The following FRAS1 variants were observed in gnomAD, a reference collection of about 807,000 sequenced individuals.
FRAS1 encodes the protein Fraser extracellular matrix complex subunit 1.
Under a neutral mutation model 435.2 loss-of-function variants are expected in FRAS1, and 290 were observed. The observed-to-expected ratio is 0.67, with a 90% CI of 0.61 to 0.73. The LOEUF is 0.73. Among genes scored for constraint, FRAS1 ranks in the 30% least tolerant of loss-of-function variants. The pLI, the probability that FRAS1 is intolerant of heterozygous loss-of-function variation, is 0.00. For missense variants in FRAS1, 4,860 were observed against 5,001.5 expected, an observed-to-expected ratio of 0.97 and a Z score of 0.85; for synonymous variants, 1,800 against 1,851.0, an observed-to-expected ratio of 0.97 and a Z score of 0.71.
chr4:78,235,479 A>G (rs1010908067), intron 2 of FRAS1, among the ~76,000 whole-genome samples: 1 of 152,194 alleles, frequency 6.6e-6, no homozygotes, highest in Non-Finnish European at 1.5e-5. Flanking sequence ...CTTGTTGACT[A>G]AGGAAAACAG....
intron 14 of FRAS1, among the ~76,000 whole-genome samples, chr4:78,287,783 C>G (rs1230285391): frequency 2.0e-5 from 3 of 152,248 alleles, no homozygotes; most frequent in Middle Eastern, 6.8e-3. Context: ...AGGTAATGGT[C>G]AGAAGCGGAG....
rs555115806 is a variant in FRAS1, at chr4:78,276,230, AG to A, written c.982-2423del. Among the ~76,000 whole-genome samples, 98 of 152,186 alleles carry A rather than the reference AG, an allele frequency of 6.4e-4. 1 individual carries two copies. The highest frequency in any genetic ancestry group is 2.2e-3 in the African/African-American group (90 of 41,524). ...TAGCCATTTGTCTAATCTTTTTTCA[AG>A]GTTTTTATCTTCTTTGCCATGGATT... On this transcript the variant is annotated intron_variant, in intron 9 of 73. Transcript: ENST00000512123.
At chr4:78,222,085 C>A (rs1191422752) in intron 2 of FRAS1, among the ~76,000 whole-genome samples, 2 of 152,120 alleles carry the variant, frequency 1.3e-5, no homozygotes, top group Non-Finnish European at 2.9e-5. Context: ...CCCCCTGGAG[C>A]TCTGCCCTGG....
In FRAS1 at chr4:78,441,324, G is replaced by A. The variant is rs777426071; in HGVS notation, c.5665+27G>A. On this transcript the variant is annotated intron_variant, in intron 41 of 73. Transcript: ENST00000512123. Reference sequence around the variant, plus strand: ...TACTACTTCCTGTAAAACTGTTAAGGACCTTGAGAGAAGGGAGGGGAGAGG... The same window carrying A: ...TACTACTTCCTGTAAAACTGTTAAGAACCTTGAGAGAAGGGAGGGGAGAGG... The A allele has an allele frequency of 1.9e-6, 3 of 1,597,328 alleles. No homozygotes were observed. In the Admixed American group the frequency reaches 5.2e-5, roughly 28 times the overall value.
chr4:78,472,184 C>T lies in FRAS1; in HGVS notation c.7376C>T (p.Thr2459Ile), dbSNP rs748736720. The T allele has an allele frequency of 1.2e-6, 2 of 1,613,766 alleles. No individual in the cohort carries two copies. Among genetic ancestry groups the T allele is most frequent in the Non-Finnish European group, 1.7e-6 (2 of 1,179,808 alleles). ...TTAAATGGGTTTCTATTCTAGGCAA[C>T]CAACCTGATCACCAAGAAGGAACTG... is the stretch of plus-strand genomic sequence containing the variant. Reference protein sequence around the residue: ...QWLEYMDGKATNLITKKELLT... With the variant: ...QWLEYMDGKAINLITKKELLT... Residue 2459 changes from threonine (T) to isoleucine (I), a missense_variant, in exon 52 of 74, where the codon ACC (threonine) becomes ATC (isoleucine). Coordinates refer to ENST00000512123, the MANE Select transcript of FRAS1 (RefSeq NM_025074.7).
chr4:78,483,731 G>GT (rs1054383136), intron 58 of FRAS1, among the ~76,000 whole-genome samples: 8 of 136,960 alleles, frequency 5.8e-5, no homozygotes, highest in South Asian at 2.3e-4. Context: ...ATTTTAACCA[G>GT]TTTTTTGTGT....
intron 29 of FRAS1, 95 bp downstream of exon 29, chr4:78,387,796 G>A: frequency 2.4e-6 from 2 of 827,320 alleles, no homozygotes; most frequent in African/African-American, 1.7e-5. Context: ...TTAAGATATG[G>A]GTAGTCATTC....
chr4:78,460,673 A>G (rs1719343846), intron 47 of FRAS1, among the ~76,000 whole-genome samples: 1 of 152,220 alleles, frequency 6.6e-6, no homozygotes, highest in Admixed American at 6.5e-5. Flanking sequence ...CCTGGGCTAT[A>G]TGCATATAGC....
At position 78,497,530 on chromosome 4, in the gene FRAS1, G is replaced by A. The variant is rs116057768; in HGVS notation, c.9115+569G>A. Among the ~76,000 whole-genome samples, 604 of 152,248 alleles carry A rather than the reference G, an allele frequency of 4.0e-3. 6 individuals are homozygous for A. The highest frequency in any genetic ancestry group is 0.014 in the African/African-American group (569 of 41,544). On this transcript the variant is annotated intron_variant, in intron 60 of 73. Transcript: ENST00000512123. ...TTTTAATGAGTGAATAGATAATAAT[G>A]TTACAAATAGTGATAGCTCTTTTTA...
intron 32 of FRAS1, among the ~76,000 whole-genome samples, chr4:78,416,473 G>A (rs1051629043): frequency 4.6e-5 from 7 of 151,834 alleles, no homozygotes; most frequent in Non-Finnish European, 8.8e-5. Context: ...CATTAAGAGA[G>A]ACTTAGAGAC....
At chr4:78,457,639 A>T (rs1156944416) in intron 47 of FRAS1, among the ~76,000 whole-genome samples, 1 of 152,230 alleles carries the variant, frequency 6.6e-6, no homozygotes, top group East Asian at 1.9e-4. Context: ...TCACCGACGT[A>T]CCCACGAAAG....
intron 2 of FRAS1, among the ~76,000 whole-genome samples, chr4:78,174,050 C>T (rs907892428): frequency 5.3e-5 from 8 of 152,182 alleles, no homozygotes; most frequent in South Asian, 2.1e-4. Context: ...CTCTGTCTCC[C>T]GTGTTTCAAC....
rs577196548 is a variant in FRAS1 at position 78,445,694 on chromosome 4, C to T, written c.5838C>T (p.Ser1946=). 1 of 1,613,870 alleles carries T rather than the reference C, an allele frequency of 6.2e-7. No homozygotes were observed. Among genetic ancestry groups the T allele is most frequent in the South Asian group, 1.1e-5 (1 of 91,060 alleles). Residue 1946 remains serine, a synonymous_variant, in exon 42 of 74, where the codon AGC becomes AGT. Coordinates refer to ENST00000512123, the MANE Select transcript of FRAS1 (RefSeq NM_025074.7). ...GAACCAGTCGTTCAGAAATTCACAG[C>T]ATCAATATCACCATTGAGGTAAAGA... ...SDGTSRSEIH[S]INITIERKND... is the part of the protein sequence containing the mutation.
intron 2 of FRAS1, among the ~76,000 whole-genome samples, chr4:78,113,747 G>A (rs1742915506): frequency 6.6e-6 from 1 of 152,152 alleles, no homozygotes; most frequent in South Asian, 2.1e-4. Flanking sequence ...TAGATGAGTA[G>A]ATTGCAAAAA....
At chr4:78,366,919 T>A (rs1002656338) in intron 22 of FRAS1, among the ~76,000 whole-genome samples, 2 of 152,196 alleles carry the variant, frequency 1.3e-5, no homozygotes, top group African/African-American at 4.8e-5. Flanking sequence ...CATTTACTCA[T>A]TACTTTGGAA....
intron 8 of FRAS1, 74 bp from the exon 9 acceptor site, chr4:78,267,167 C>A: frequency 6.8e-7 from 1 of 1,462,040 alleles, no homozygotes; most frequent in Non-Finnish European, 9.4e-7. Flanking sequence ...TATTTTGGGT[C>A]CTCCTGCCTC....
At chr4:78,193,522 G>A (rs1246310832) in intron 2 of FRAS1, among the ~76,000 whole-genome samples, 16 of 152,164 alleles carry the variant, frequency 1.1e-4, no homozygotes, top group Non-Finnish European at 1.5e-5. Flanking sequence ...TTACCATTAT[G>A]TAGTGGCCTT....
chr4:78,063,592 T>G (rs1739857394), intron 1 of FRAS1, among the ~76,000 whole-genome samples: 1 of 152,238 alleles, frequency 6.6e-6, no homozygotes, highest in Admixed American at 6.5e-5. Context: ...CTCCAGCAGA[T>G]GCATGGCTTG....
At chr4:78,162,392 G>A (rs1249511904) in intron 2 of FRAS1, among the ~76,000 whole-genome samples, 4 of 152,282 alleles carry the variant, frequency 2.6e-5, no homozygotes, top group Middle Eastern at 3.4e-3. Context: ...GGATAGAAAC[G>A]GTACCATAAG....
Sources: allele counts gnomAD v4.1 joint callset (sites outside exome capture counted in the v4.1 genomes callset), GRCh38; gene constraint gnomAD v4.1.1; transcripts MANE v1.5; gene names NCBI Gene and HGNC (gene_info 2026-07-23, HGNC 2026-07-21).